The following OIT3 variants were observed in gnomAD, a reference collection of about 807,000 sequenced individuals.
The protein encoded by OIT3 is oncoprotein induced transcript 3.
OIT3 carries 41 observed loss-of-function variants against 52.2 expected under a neutral mutation model. The ratio of observed to expected loss-of-function variants is 0.79; its 90% CI spans 0.61 to 1.02. OIT3 has a LOEUF of 1.02. Ranked by LOEUF, OIT3 falls within the 50% of genes least tolerant of loss-of-function variation. The pLI, the probability that OIT3 is intolerant of heterozygous loss-of-function variation, is 0.00. For missense variants in OIT3, 634 were observed against 715.5 expected (o/e 0.89, Z 1.30); for synonymous variants, 244 against 276.9 (o/e 0.88, Z 1.18).
intron 4 of OIT3, among the ~76,000 whole-genome samples, chr10:72,908,518 A>G (rs1303690283): frequency 2.0e-5 from 3 of 152,222 alleles, no homozygotes; most frequent in Non-Finnish European, 4.4e-5. Flanking sequence ...TTGCATTATT[A>G]ACTGAGAGAC....
intron 3 of OIT3, 61 bp downstream of exon 3, chr10:72,900,545 C>G (rs1408875909): frequency 2.3e-6 from 2 of 853,546 alleles, no homozygotes; most frequent in African/African-American, 3.4e-5. Context: ...ATCAAAAACT[C>G]TTCCTGCCTC....
At chr10:72,927,387 G>A (rs1589531521) in intron 7 of OIT3, among the ~76,000 whole-genome samples, 1 of 152,114 alleles carries the variant, frequency 6.6e-6, no homozygotes, top group African/African-American at 2.4e-5. Context: ...TGATCCACCT[G>A]CCTCGGCCTC....
chr10:72,911,515 A>G (rs1445669677), intron 4 of OIT3, among the ~76,000 whole-genome samples: 2 of 152,186 alleles, frequency 1.3e-5, no homozygotes, highest in Non-Finnish European at 2.9e-5. Flanking sequence ...TTAATTGGGT[A>G]GAGTTATGGA....
chr10:72,913,241 T>C, intron 5 of OIT3, 67 bp from the exon 6 acceptor site: 1 of 1,335,412 alleles, frequency 7.5e-7, no homozygotes, highest in Non-Finnish European at 1.0e-6. Context: ...GGTGAAATTA[T>C]TTCTCCTAAA....
At chr10:72,917,872 A>G (rs1846086675) in intron 6 of OIT3, 2 of 1,295,670 alleles carry the variant, frequency 1.5e-6, no homozygotes, top group African/African-American at 2.9e-5. Flanking sequence ...GGTGTTGATG[A>G]TGGTTTTGAG....
chr10:72,904,274 C>T (rs564838091), intron 3 of OIT3, among the ~76,000 whole-genome samples: 1 of 152,144 alleles, frequency 6.6e-6, no homozygotes, highest in Non-Finnish European at 1.5e-5. Context: ...TTGTTGGAGA[C>T]CTGAGTCTTG....
chr10:72,922,972 T>A (rs1554832313), intron 6 of OIT3, among the ~76,000 whole-genome samples: 1 of 152,192 alleles, frequency 6.6e-6, no homozygotes, highest in Non-Finnish European at 1.5e-5. Flanking sequence ...GTCTCCTGCA[T>A]TCAAGTGATT....
intron 6 of OIT3, among the ~76,000 whole-genome samples, chr10:72,916,546 TACC>T (rs1170446898): frequency 6.6e-6 from 1 of 152,246 alleles, no homozygotes; most frequent in Non-Finnish European, 1.5e-5. Flanking sequence ...GGTGTATATG[TACC>T]ACATTTTCTT....
At chr10:72,924,829 A>G (rs951761231) in intron 7 of OIT3, among the ~76,000 whole-genome samples, 185 bp downstream of exon 7, 1 of 152,088 alleles carries the variant, frequency 6.6e-6, no homozygotes, top group Non-Finnish European at 1.5e-5. Context: ...AGTGGCTCCT[A>G]GGCCAGGTGC....
chr10:72,920,255 T>G (rs1254472424), intron 6 of OIT3, among the ~76,000 whole-genome samples: 1 of 152,234 alleles, frequency 6.6e-6, no homozygotes, highest in Admixed American at 6.5e-5. Context: ...TTGTTTGTAT[T>G]TCTGTGGGGC....
rs538497459 is a variant in OIT3, at chr10:72,932,584, C to G, written c.*60C>G. ...GCTCTGCTCTTTGGAGCTTCTCCCCCCACCGCCCTCTAAGAACATCTGCCA... is the reference window on the plus strand; with the variant it reads ...GCTCTGCTCTTTGGAGCTTCTCCCCGCACCGCCCTCTAAGAACATCTGCCA... On this transcript the variant is annotated 3_prime_UTR_variant, in exon 9 of 9. Transcript: ENST00000334011. The G allele has an allele frequency of 1.8e-5, 26 of 1,454,748 alleles. No individual in the cohort carries two copies. The highest frequency in any genetic ancestry group is 8.5e-5 in the African/African-American group (6 of 70,710). The allele number at this position is 1,454,748 out of a possible 1,614,324, so 90.1% of individuals were successfully genotyped here.
In OIT3 at chr10:72,906,473, G is replaced by A. The variant is rs1009698850; in HGVS notation, c.545-123G>A. On this transcript the variant is annotated intron_variant, in intron 3 of 8. Transcript: ENST00000334011. Reference sequence around the variant, plus strand: ...TGGGAGTGATGATACTGGATCAGAGGGGGAGCTGGATGGTGGAAGGTGCAT... The same window carrying A: ...TGGGAGTGATGATACTGGATCAGAGAGGGAGCTGGATGGTGGAAGGTGCAT... 5.9e-5 allele frequency: 60 copies of A among 1,015,996 alleles called. No individual in the cohort carries two copies. In the Middle Eastern group the frequency reaches 6.4e-4, roughly 11 times the overall value. The allele number at this position is 1,015,996 out of a possible 1,614,324, so 62.9% of individuals were successfully genotyped here. A position where few individuals can be genotyped will look rare whatever the true frequency, so the allele number is the denominator to read the frequency against.
At chr10:72,922,052 A>T (rs1240985232) in intron 6 of OIT3, among the ~76,000 whole-genome samples, 1 of 152,054 alleles carries the variant, frequency 6.6e-6, no homozygotes, top group Non-Finnish European at 1.5e-5. Flanking sequence ...TGAAGGGTCC[A>T]CTGTTAGTCT....
chr10:72,926,681 G>T (rs757667615), intron 7 of OIT3, among the ~76,000 whole-genome samples: 1 of 152,078 alleles, frequency 6.6e-6, no homozygotes, highest in Admixed American at 6.5e-5. Flanking sequence ...TACTCTGGAC[G>T]GCCCGTAGCA....
intron 6 of OIT3, chr10:72,917,666 T>C (rs996819864): frequency 5.6e-6 from 5 of 894,292 alleles, no homozygotes; most frequent in Non-Finnish European, 9.3e-6. Context: ...GCCAGAGATC[T>C]TGAATAGCCT....
chr10:72,905,840 C>T (rs1173263989), intron 3 of OIT3, among the ~76,000 whole-genome samples: 3 of 152,184 alleles, frequency 2.0e-5, no homozygotes, highest in Non-Finnish European at 4.4e-5. Flanking sequence ...AGCAGGGTTT[C>T]AGTCACAGCT....
chr10:72,905,650 T>A (rs141164495), intron 3 of OIT3, among the ~76,000 whole-genome samples: 1 of 152,206 alleles, frequency 6.6e-6, no homozygotes, highest in Admixed American at 6.5e-5. Flanking sequence ...CCATACCATG[T>A]GGGAAGTGTA....
chr10:72,911,099 T>G (rs1157835245), intron 4 of OIT3, among the ~76,000 whole-genome samples: 5 of 152,172 alleles, frequency 3.3e-5, no homozygotes, highest in African/African-American at 1.2e-4. Context: ...TGTAAAACAT[T>G]AAAAAAGGAA....
At chr10:72,913,212 A>G in intron 5 of OIT3, 96 bp from the exon 6 acceptor site, 1 of 1,014,072 alleles carries the variant, frequency 9.9e-7, no homozygotes, top group East Asian at 2.5e-5. Context: ...GATGGAACAA[A>G]AAGCTTGGGT....
Sources: allele counts gnomAD v4.1 joint callset (sites outside exome capture counted in the v4.1 genomes callset), GRCh38; gene constraint gnomAD v4.1.1; transcripts MANE v1.5; gene names NCBI Gene and HGNC (gene_info 2026-07-23, HGNC 2026-07-21).